The following KCNJ6 variants were observed in gnomAD, a reference collection of about 807,000 sequenced individuals.
The protein encoded by KCNJ6 is G protein-activated inward rectifier potassium channel 2.
A neutral mutation model predicts 34.2 loss-of-function variants in KCNJ6; 9 were observed. The ratio of observed to expected loss-of-function variants is 0.26; its 90% CI spans 0.16 to 0.46. KCNJ6 has a LOEUF of 0.46. KCNJ6 is among the 20% of genes least tolerant of loss of function. KCNJ6 has a pLI of 1.00. For synonymous variants in KCNJ6, 196 were observed against 207.1 expected (o/e 0.95, Z 0.46); for missense variants, 236 against 531.3 (o/e 0.44, Z 5.46).
chr21:37,678,982 G>C (rs187875336), intron 3 of KCNJ6, among the ~76,000 whole-genome samples: 1 of 152,238 alleles, frequency 6.6e-6, no homozygotes, highest in East Asian at 1.9e-4. Flanking sequence ...GTGATGGTGT[G>C]TAACTTTAGA....
intron 1 of KCNJ6, among the ~76,000 whole-genome samples, chr21:37,866,196 C>T (rs1308816769): frequency 6.6e-6 from 1 of 152,022 alleles, no homozygotes; most frequent in African/African-American, 2.4e-5. Context: ...CAGTTCCTGC[C>T]TGAGAGCTCC....
intron 1 of KCNJ6, among the ~76,000 whole-genome samples, chr21:37,853,160 AC>A (rs932135941): frequency 2.0e-5 from 3 of 151,524 alleles, no homozygotes; most frequent in African/African-American, 7.3e-5. Flanking sequence ...AAAAAAAAAA[AC>A]AACTACAGAT....
At chr21:37,718,102 G>C (rs2054803644) in intron 2 of KCNJ6, among the ~76,000 whole-genome samples, 1 of 152,164 alleles carries the variant, frequency 6.6e-6, no homozygotes, top group Non-Finnish European at 1.5e-5. Context: ...TTGAGGGTTG[G>C]CCATGGTGAT....
At chr21:37,879,385 C>T (rs2055695258) in intron 1 of KCNJ6, among the ~76,000 whole-genome samples, 1 of 152,136 alleles carries the variant, frequency 6.6e-6, no homozygotes, top group Admixed American at 6.5e-5. Flanking sequence ...CCTAGTGATG[C>T]TCCAGCACTA....
intron 3 of KCNJ6, among the ~76,000 whole-genome samples, chr21:37,635,285 C>T (rs1057370473): frequency 1.3e-5 from 2 of 151,834 alleles, no homozygotes; most frequent in South Asian, 4.2e-4. Flanking sequence ...GTGGTGTGAT[C>T]TGGGCTTACT....
intron 2 of KCNJ6, among the ~76,000 whole-genome samples, chr21:37,763,452 G>A (rs1395863556): frequency 6.6e-5 from 10 of 151,978 alleles, no homozygotes; most frequent in South Asian, 4.2e-4. Context: ...CCCCACCCCC[G>A]CCTTGATGTG....
intron 2 of KCNJ6, among the ~76,000 whole-genome samples, chr21:37,816,252 T>A (rs950411684): frequency 2.0e-5 from 3 of 152,132 alleles, no homozygotes. Flanking sequence ...CAAGCATAGG[T>A]AAGGGTTCTG....
chr21:37,819,720 A>G (rs1319579392), intron 2 of KCNJ6, among the ~76,000 whole-genome samples: 1 of 152,136 alleles, frequency 6.6e-6, no homozygotes, highest in African/African-American at 2.4e-5. Context: ...TATTTTCATT[A>G]TAGATTAACT....
chr21:37,697,485 T>A (rs568839056), intron 3 of KCNJ6, among the ~76,000 whole-genome samples: 1 of 152,300 alleles, frequency 6.6e-6, no homozygotes, highest in South Asian at 2.1e-4. Flanking sequence ...AAAACGACTT[T>A]GAGTTGAGAA....
chr21:37,775,831 C>G (rs182326901), intron 2 of KCNJ6, among the ~76,000 whole-genome samples: 7 of 151,708 alleles, frequency 4.6e-5, no homozygotes, highest in Non-Finnish European at 1.0e-4. Flanking sequence ...CTTGGCGATG[C>G]GGGCTCTTTT....
chr21:37,621,805 G>A lies in KCNJ6; in HGVS notation c.*3354C>T, dbSNP rs2054290704. The A allele has an allele frequency of 6.6e-6, 1 of 152,252 alleles. No homozygotes were observed. The highest frequency in any genetic ancestry group is 2.4e-5 in the African/African-American group (1 of 41,440). The allele number at this position is 152,252 out of a possible 1,614,324, so 9.4% of individuals were successfully genotyped here. A position where few individuals can be genotyped will look rare whatever the true frequency, so the allele number is the denominator to read the frequency against. On this transcript the variant is annotated 3_prime_UTR_variant, in exon 4 of 4. Coordinates refer to ENST00000609713, the MANE Select transcript of KCNJ6 (RefSeq NM_002240.5). ...CCTCATGGACATAGAGGGGATATATGCTGGAACAACCAGGCTGGAAGGCCA... is the reference window on the plus strand; with the variant it reads ...CCTCATGGACATAGAGGGGATATATACTGGAACAACCAGGCTGGAAGGCCA...
intron 1 of KCNJ6, among the ~76,000 whole-genome samples, chr21:37,895,060 A>G (rs2055781220): frequency 1.3e-5 from 2 of 152,220 alleles, no homozygotes; most frequent in Admixed American, 1.3e-4. Context: ...GATGCAAGTC[A>G]TTGTGCCCAG....
intron 2 of KCNJ6, among the ~76,000 whole-genome samples, chr21:37,792,870 T>G (rs1389669157): frequency 6.6e-6 from 1 of 152,196 alleles, no homozygotes; most frequent in Non-Finnish European, 1.5e-5. Context: ...ACGTGTACAT[T>G]CTGTTGGTTC....
In KCNJ6 at chr21:37,624,704, C is replaced by T; in HGVS notation, c.*455G>A. On this transcript the variant is annotated 3_prime_UTR_variant, in exon 4 of 4. Coordinates refer to ENST00000609713, the MANE Select transcript of KCNJ6 (RefSeq NM_002240.5). ...CACCCACATGGGGGCAAGCACCTCA[C>T]CCTGTAGTAGATGAAATGAATTGGG... 1 of 168,802 alleles carries T rather than the reference C, an allele frequency of 5.9e-6. No individual in the cohort carries two copies. The allele number at this position is 168,802 out of a possible 1,614,324, so 10.5% of individuals were successfully genotyped here. A position where few individuals can be genotyped will look rare whatever the true frequency, so the allele number is the denominator to read the frequency against.
intron 2 of KCNJ6, among the ~76,000 whole-genome samples, chr21:37,814,755 A>G (rs1048452795): frequency 1.3e-5 from 2 of 151,936 alleles, no homozygotes; most frequent in Non-Finnish European, 2.9e-5. Flanking sequence ...AAAATTAGCC[A>G]GGCGTGGTGG....
chr21:37,845,576 C>A (rs1439735309), intron 1 of KCNJ6, among the ~76,000 whole-genome samples: 2 of 152,320 alleles, frequency 1.3e-5, no homozygotes, highest in Non-Finnish European at 2.9e-5. Context: ...GTTTGAGGAA[C>A]AAATGAGACA....
At chr21:37,792,903 T>C (rs1433136172) in intron 2 of KCNJ6, among the ~76,000 whole-genome samples, 1 of 152,198 alleles carries the variant, frequency 6.6e-6, no homozygotes, top group Non-Finnish European at 1.5e-5. Context: ...CTACTTCCAC[T>C]ACATAGATTG....
intron 2 of KCNJ6, among the ~76,000 whole-genome samples, chr21:37,760,232 C>T (rs2055053864): frequency 6.6e-6 from 1 of 152,182 alleles, no homozygotes; most frequent in South Asian, 2.1e-4. Context: ...CTACTTTAAG[C>T]CACTATGTTT....
At chr21:37,859,390 A>T (rs1401383664) in intron 1 of KCNJ6, among the ~76,000 whole-genome samples, 1 of 150,380 alleles carries the variant, frequency 6.6e-6, no homozygotes, top group Non-Finnish European at 1.5e-5. Flanking sequence ...ATACACAAGA[A>T]ACTCATAACA....
Sources: allele counts gnomAD v4.1 joint callset (sites outside exome capture counted in the v4.1 genomes callset), GRCh38; gene constraint gnomAD v4.1.1; transcripts MANE v1.5; gene names NCBI Gene and HGNC (gene_info 2026-07-23, HGNC 2026-07-21).